CRB2: variants seen among roughly 807,000 people sequenced by gnomAD.
CRB2 encodes the protein crumbs cell polarity complex component 2.
A neutral mutation model predicts 110.9 loss-of-function variants in CRB2; 85 were observed. The ratio of observed to expected loss-of-function variants is 0.77; its 90% CI spans 0.64 to 0.92. CRB2 has a LOEUF of 0.92. CRB2 is among the 40% of genes least tolerant of loss of function. The probability of loss-of-function intolerance (pLI) is 0.00; values close to 1 mark genes in which losing one functional copy is unlikely to be tolerated. For synonymous variants in CRB2, 907 were observed against 831.0 expected (o/e 1.09, Z -1.57); for missense variants, 1,843 against 1,851.3 (o/e 1.00, Z 0.08).
At chr9:123,359,459 T>G (rs767636267) in intron 1 of CRB2, among the ~76,000 whole-genome samples, 8,053 of 141,432 alleles carry the variant, frequency 0.057, 610 homozygotes, top group Non-Finnish European at 0.085. Flanking sequence ...TTTTTTTTTT[T>G]TTTTTTTAAG....
chr9:123,370,471 C>T lies in CRB2; in HGVS notation c.1418C>T (p.Thr473Ile). 2 of 1,613,500 alleles carry T rather than the reference C, an allele frequency of 1.2e-6. No homozygotes were observed. The highest frequency in any genetic ancestry group is 1.1e-5 in the South Asian group (1 of 91,086). ...LRFRTTLPAG[T>I]LATRNDTKES... Reference sequence around the variant, plus strand: ...TTTCGCACCACACTGCCCGCTGGGACCTTGGCCACTCGCAATGACACCAAG... The same window carrying T: ...TTTCGCACCACACTGCCCGCTGGGATCTTGGCCACTCGCAATGACACCAAG... The change falls in exon 7 of 13, where the codon ACC becomes ATC. Residue 473 changes from threonine (T) to isoleucine (I), a missense_variant. By Grantham distance (89) the Thr-to-Ile change is moderately conservative. Transcript: ENST00000373631.
intron 1 of CRB2, among the ~76,000 whole-genome samples, chr9:123,359,431 T>TTTG (rs2041836587): frequency 1.7e-4 from 16 of 93,868 alleles, no homozygotes; most frequent in Non-Finnish European, 2.9e-4. Context: ...TGGTTTTTCG[T>TTTG]TTTTGTTTTG....
At chr9:123,368,919 T>A in intron 6 of CRB2, 1 of 1,258,124 alleles carries the variant, frequency 7.9e-7, no homozygotes, top group Middle Eastern at 2.2e-4. Context: ...TCTGTGGACC[T>A]TCCTGGGCCA....
At position 123,373,333 on chromosome 9, in the gene CRB2, C is replaced by A. The variant is rs1325768097; in HGVS notation, c.2802C>A (p.Arg934=). The change falls in exon 10 of 13, where the codon CGC becomes CGA. Residue 934 remains arginine (R), a synonymous_variant. Transcript: ENST00000373631. ...ATGGCTCGCTGGCGGGGGGCGTGCG[C>A]GGAGGCCATGGCCTGCCCGGCGCTG... is the stretch of plus-strand genomic sequence containing the variant. ...VRNGSLAGGV[R]GGHGLPGAVL... is the part of the protein sequence containing the mutation. 6.9e-7 allele frequency: 1 copy of A among 1,443,474 alleles called. No homozygotes were observed. Among genetic ancestry groups the A allele is most frequent in the Non-Finnish European group, 9.0e-7 (1 of 1,107,186 alleles). The allele number at this position is 1,443,474 out of a possible 1,614,324, so 89.4% of individuals were successfully genotyped here.
At chr9:123,375,121 T>C in intron 11 of CRB2, 96 bp from the exon 12 acceptor site, 2 of 1,566,232 alleles carry the variant, frequency 1.3e-6, no homozygotes, top group Non-Finnish European at 1.7e-6. Context: ...GGATAAGCTC[T>C]GATGCTTGCT....
intron 2 of CRB2, 140 bp from the exon 3 acceptor site, chr9:123,365,777 C>G: frequency 1.3e-6 from 1 of 748,592 alleles, no homozygotes; most frequent in Non-Finnish European, 2.0e-6. Context: ...CCGTCCCCCA[C>G]CCCCCAACCA....
rs781552074 is a variant in CRB2 at position 123,374,697 on chromosome 9, TG to T, written c.3506+5del. 6.2e-7 allele frequency: 1 copy of T among 1,602,866 alleles called. No individual in the cohort carries two copies. Among genetic ancestry groups the T allele is most frequent in the Non-Finnish European group, 8.5e-7 (1 of 1,175,114 alleles). ...CCTGGAGGGTCTTGCTGGCCAGAGGTGGGTCTGGGGGCCTGGGAACTGTGAG... is the reference window on the plus strand; with the variant it reads ...CCTGGAGGGTCTTGCTGGCCAGAGGTGGTCTGGGGGCCTGGGAACTGTGAG... On this transcript the variant is annotated splice_donor_region_variant and intron_variant, in intron 11 of 12. Coordinates refer to ENST00000373631, the MANE Select transcript of CRB2 (RefSeq NM_173689.7).
Position 123,373,926 on chromosome 9 carries a change from A to G in CRB2, c.3389+6A>G, listed in dbSNP as rs2042062521. ...TTCGGGGGCCCGCGCTGCAGGTGGG[A>G]TGGCTGGGCAGGGGGGTGGGCTGCG... On this transcript the variant is annotated splice_donor_region_variant and intron_variant, in intron 10 of 12. Transcript: ENST00000373631. 1 of 1,549,192 alleles carries G rather than the reference A, an allele frequency of 6.5e-7. No individual in the cohort carries two copies. The highest frequency in any genetic ancestry group is 1.4e-5 in the African/African-American group (1 of 73,116).
intron 4 of CRB2, among the ~76,000 whole-genome samples, chr9:123,366,603 A>T (rs1400795157): frequency 2.6e-5 from 4 of 152,168 alleles, no homozygotes; most frequent in Admixed American, 2.6e-4. Flanking sequence ...ACGCCTGGGA[A>T]GCCCTTGGGG....
downstream of CRB2, chr9:123,380,226 G>A (rs996932477): frequency 6.6e-6 from 1 of 152,302 alleles, no homozygotes; most frequent in African/African-American, 2.4e-5. Flanking sequence ...TTAAATGGTC[G>A]GGCCATACTT....
intron 6 of CRB2, among the ~76,000 whole-genome samples, chr9:123,369,259 G>C (rs1347674890): frequency 2.0e-5 from 3 of 152,150 alleles, no homozygotes; most frequent in Non-Finnish European, 4.4e-5. Context: ...GAGTGCCTTG[G>C]GTACTTGCAC....
chr9:123,357,055 T>G (rs1164518106), intron 1 of CRB2, among the ~76,000 whole-genome samples: 1 of 152,102 alleles, frequency 6.6e-6, no homozygotes, highest in East Asian at 1.9e-4. Flanking sequence ...GCGGTAGCCC[T>G]GCCTGTGCTG....
chr9:123,356,084 A>AG, upstream of CRB2: 1 of 407,812 alleles, frequency 2.5e-6, no homozygotes, highest in Non-Finnish European at 4.1e-6. Context: ...GACGTCCACG[A>AG]GGTGGAGCAG....
intron 1 of CRB2, among the ~76,000 whole-genome samples, chr9:123,356,650 C>T (rs1212244554): frequency 6.7e-6 from 1 of 150,322 alleles, no homozygotes; most frequent in Non-Finnish European, 1.5e-5. Flanking sequence ...GGATGGGGTG[C>T]GTGTTTTGGG....
chr9:123,365,303 A>C (rs1243892549), intron 2 of CRB2, among the ~76,000 whole-genome samples: 3 of 152,074 alleles, frequency 2.0e-5, no homozygotes, highest in Non-Finnish European at 4.4e-5. Context: ...ACAACTAACT[A>C]AAATGTAGGT....
chr9:123,366,402 G>A lies in CRB2; in HGVS notation c.754+36G>A, dbSNP rs760600065. The A allele has an allele frequency of 1.1e-5, 17 of 1,517,774 alleles. No individual in the cohort carries two copies. In the African/African-American group the frequency reaches 1.7e-4, roughly 15 times the overall value. The allele number at this position is 1,517,774 out of a possible 1,614,324, so 94.0% of individuals were successfully genotyped here. Reference sequence around the variant, plus strand: ...GCAGGTGCGCGGCCTGGCGGGGGGAGGGGTAGGTGTGCGCCTGTGCGGCCT... The same window carrying A: ...GCAGGTGCGCGGCCTGGCGGGGGGAAGGGTAGGTGTGCGCCTGTGCGGCCT... On this transcript the variant is annotated intron_variant, in intron 4 of 12. Transcript: ENST00000373631.
In CRB2 at chr9:123,367,434, CCCCACCCCCCCACCCCA is replaced by C. The variant is rs1564372126; in HGVS notation, c.940+79_940+95del. 5.4e-6 allele frequency: 5 copies of C among 931,460 alleles called. No homozygotes were observed. In the African/African-American group the frequency reaches 1.2e-4, roughly 22 times the overall value. 57.7% of individuals were successfully genotyped at this position (931,460 alleles called of 1,614,324 possible). ...GATCTTGTGCCCACCCCCCCACCCC[CCCCACCCCCCCACCCCA>C]CACCCCACACCCGAGTCTGCCCTCT... On this transcript the variant is annotated intron_variant, in intron 5 of 12. Transcript: ENST00000373631.
In CRB2 at chr9:123,377,835, G is replaced by GC. The variant is rs1383924587; in HGVS notation, c.*774dup. 6.6e-6 allele frequency: 1 copy of GC among 152,302 alleles called. No homozygotes were observed. Among genetic ancestry groups the GC allele is most frequent in the African/African-American group, 2.4e-5 (1 of 41,458 alleles). The allele number at this position is 152,302 out of a possible 1,614,324, so 9.4% of individuals were successfully genotyped here. ...GGGGCTGCCTGGAGCTTCCCACCCT[G>GC]CTGTGGTCATTTGTCAAAGGGGGAA... On this transcript the variant is annotated 3_prime_UTR_variant, in exon 13 of 13. Transcript: ENST00000373631.
intron 1 of CRB2, among the ~76,000 whole-genome samples, chr9:123,359,569 C>G (rs1320053500): frequency 6.6e-6 from 1 of 151,228 alleles, no homozygotes; most frequent in Non-Finnish European, 1.5e-5. Context: ...CCACCTCAGC[C>G]TCCCAAGCAG....
Sources: allele counts gnomAD v4.1 joint callset (sites outside exome capture counted in the v4.1 genomes callset), GRCh38; gene constraint gnomAD v4.1.1; transcripts MANE v1.5; gene names NCBI Gene and HGNC (gene_info 2026-07-23, HGNC 2026-07-21).